XKR5: variants seen among roughly 807,000 people sequenced by gnomAD.
XKR5 encodes XK-related protein 5.
Under a neutral mutation model 40.8 loss-of-function variants are expected in XKR5, and 46 were observed. The observed-to-expected ratio is 1.13, with a 90% CI of 0.89 to 1.44. The LOEUF is 1.44. XKR5 is among the 40% of genes most tolerant of loss of function. The pLI is 0.00. For synonymous variants in XKR5, 466 were observed against 356.1 expected, an observed-to-expected ratio of 1.31 and a Z score of -3.48; for missense variants, 1,169 against 844.7, an observed-to-expected ratio of 1.38 and a Z score of -4.76.
At position 6,819,667 on chromosome 8, in the gene XKR5, T is replaced by G. The variant is rs144455997; in HGVS notation, c.807+2202A>C. Among the ~76,000 whole-genome samples, 937 of 152,306 alleles carry G rather than the reference T, an allele frequency of 6.2e-3. 5 individuals are homozygous for G. Among genetic ancestry groups the G allele is most frequent in the African/African-American group, 0.022 (904 of 41,558 alleles). ...AGCATGTCCACCTGTCATCTCCGCC[T>G]TTTCTTCAGTTTCATGGTTGCAGCC... On this transcript the variant is annotated intron_variant, in intron 5 of 6. Coordinates refer to ENST00000618742, the MANE Select transcript of XKR5 (RefSeq NM_207411.5).
In XKR5 at chr8:6,831,476, G is replaced by A. The variant is rs1804760249; in HGVS notation, c.242+1241C>T. Among the ~76,000 whole-genome samples, 3 of 152,194 alleles carry A rather than the reference G, an allele frequency of 2.0e-5. No homozygotes were observed. The South Asian group carries it at 6.2e-4, about 32-fold the overall frequency. On this transcript the variant is annotated intron_variant, in intron 2 of 6. Coordinates refer to ENST00000618742, the MANE Select transcript of XKR5 (RefSeq NM_207411.5). Reference sequence around the variant, plus strand: ...CAGAAGCACCCTCTACCTCCTAGCTGAGATTCTACTCTGGGCGGGACGGCA... The same window carrying A: ...CAGAAGCACCCTCTACCTCCTAGCTAAGATTCTACTCTGGGCGGGACGGCA...
intron 3 of XKR5, among the ~76,000 whole-genome samples, chr8:6,824,021 G>A (rs539047495): frequency 1.2e-3 from 183 of 152,172 alleles, no homozygotes; most frequent in African/African-American, 3.8e-3. Flanking sequence ...TCCTTTCTAC[G>A]CCCTTTAAGA....
intron 5 of XKR5, among the ~76,000 whole-genome samples, chr8:6,816,425 G>A (rs929633254): frequency 1.3e-5 from 2 of 152,000 alleles, no homozygotes; most frequent in African/African-American, 2.4e-5. Flanking sequence ...AGCCGGAGAC[G>A]GGAGCTCGCA....
rs550151198 is a variant in XKR5, at chr8:6,825,644, A to G, written c.243-295T>C. Among the ~76,000 whole-genome samples, 9 of 152,132 alleles carry G rather than the reference A, an allele frequency of 5.9e-5. No homozygotes were observed. The South Asian group carries it at 1.9e-3, about 32-fold the overall frequency. On this transcript the variant is annotated intron_variant, in intron 2 of 6. Transcript: ENST00000618742. ...GAGCGGCTGCATGGCAAGGGAACCC[A>G]GACTGCCAGCTCTGTGAAGCTCGGC...
intron 2 of XKR5, among the ~76,000 whole-genome samples, chr8:6,827,214 C>G (rs1204445177): frequency 3.9e-5 from 6 of 152,150 alleles, no homozygotes; most frequent in African/African-American, 1.4e-4. Flanking sequence ...CTAGCAGCAG[C>G]AATAAGGAGA....
chr8:6,813,035 G>A (rs1803809724), intron 6 of XKR5, among the ~76,000 whole-genome samples: 1 of 152,214 alleles, frequency 6.6e-6, no homozygotes. Context: ...ACTGGATAAA[G>A]TGCCTGGTTT....
At chr8:6,818,399 G>C (rs1804064813) in intron 5 of XKR5, among the ~76,000 whole-genome samples, 1 of 152,220 alleles carries the variant, frequency 6.6e-6, no homozygotes, top group African/African-American at 2.4e-5. Context: ...CACAGTGGCT[G>C]CATGGATTTG....
intron 2 of XKR5, 127 bp downstream of exon 2, chr8:6,832,590 C>T (rs2117122932): frequency 8.1e-7 from 1 of 1,234,660 alleles, no homozygotes; most frequent in Admixed American, 2.5e-5. Context: ...TTTGCTGTGG[C>T]CGCTTTGAAC....
chr8:6,835,108 G>A (rs1352895480), intron 1 of XKR5, among the ~76,000 whole-genome samples: 1 of 152,024 alleles, frequency 6.6e-6, no homozygotes, highest in African/African-American at 2.4e-5. Context: ...CATCTCCCCT[G>A]CTTCTGCGAG....
In XKR5 at chr8:6,810,929, G is replaced by A. The variant is rs2117072153; in HGVS notation, c.*269C>T. 1 of 317,922 alleles carries A rather than the reference G, an allele frequency of 3.1e-6. No individual in the cohort carries two copies. The allele number at this position is 317,922 out of a possible 1,614,324, so 19.7% of individuals were successfully genotyped here. A position where few individuals can be genotyped will look rare whatever the true frequency, so the allele number is the denominator to read the frequency against. ...TAAGGGAACCTACAGCTCATAAAAG[G>A]TAGCAGACAATTTTGACTGGAATCT... On this transcript the variant is annotated 3_prime_UTR_variant, in exon 7 of 7. Coordinates refer to ENST00000618742, the MANE Select transcript of XKR5 (RefSeq NM_207411.5).
At chr8:6,826,090 G>C (rs577985092) in intron 2 of XKR5, among the ~76,000 whole-genome samples, 56 of 152,300 alleles carry the variant, frequency 3.7e-4, no homozygotes, top group African/African-American at 1.3e-3. Flanking sequence ...ATGTGTATGT[G>C]CATGTGCGTG....
chr8:6,832,421 C>T (rs1392555889), intron 2 of XKR5, among the ~76,000 whole-genome samples: 3 of 152,174 alleles, frequency 2.0e-5, no homozygotes, highest in Non-Finnish European at 2.9e-5. Flanking sequence ...ATGGAACTAA[C>T]GGCTCAACCA....
In XKR5 at chr8:6,823,705, G is replaced by C. The variant is rs1587182273; in HGVS notation, c.453C>G (p.Ser151=). ...AGGACACCAGTGCCCAGGAGAGTGA[G>C]GACCAGGAAAACAGGGTGCTCACCC... ...VPGVSTLFSW[S]SLSWALVSYT... The change falls in exon 4 of 7, where the codon TCC becomes TCG. Residue 151 remains serine, a synonymous_variant. Coordinates refer to ENST00000618742, the MANE Select transcript of XKR5 (RefSeq NM_207411.5). 1.3e-6 allele frequency: 2 copies of C among 1,585,334 alleles called. No individual in the cohort carries two copies. Among genetic ancestry groups the C allele is most frequent in the African/African-American group, 1.3e-5 (1 of 74,432 alleles).
At chr8:6,823,403 G>C (rs992452997) in intron 4 of XKR5, 118 bp downstream of exon 4, 53 of 1,055,750 alleles carry the variant, frequency 5.0e-5, no homozygotes, top group Non-Finnish European at 9.9e-6. Flanking sequence ...ATTCAGCAGA[G>C]AGCCCAGTCA....
intron 2 of XKR5, among the ~76,000 whole-genome samples, chr8:6,826,618 G>C (rs141727625): frequency 2.6e-5 from 4 of 152,150 alleles, no homozygotes; most frequent in Admixed American, 2.6e-4. Context: ...GATTGGCCAC[G>C]ATATGAATTT....
rs187373799 is a variant in XKR5, at chr8:6,811,643, C to A, written c.1616G>T (p.Ser539Ile). 8.3e-5 allele frequency: 128 copies of A among 1,537,568 alleles called. No homozygotes were observed. In the Admixed American group the frequency reaches 2.5e-3, roughly 30 times the overall value. ...GQQRGGEGQQ[S>I]STLYFSATAE... Reference sequence around the variant, plus strand: ...AGTGGCGCTGAAGTACAACGTGGAACTCTGCTGTCCTTCCCCTCCTCTCTG... The same window carrying A: ...AGTGGCGCTGAAGTACAACGTGGAAATCTGCTGTCCTTCCCCTCCTCTCTG... The change falls in exon 7 of 7, where the codon AGT (serine) becomes ATT (isoleucine). Residue 539 changes from serine (S) to isoleucine (I), a missense_variant. Transcript: ENST00000618742.
intron 3 of XKR5, among the ~76,000 whole-genome samples, 168 bp from the exon 4 acceptor site, chr8:6,823,898 C>A (rs1208049333): frequency 6.6e-6 from 1 of 152,210 alleles, no homozygotes; most frequent in African/African-American, 2.4e-5. Context: ...GGTAACATAA[C>A]AACTCTATGT....
rs543922720 is a variant in XKR5, at chr8:6,814,442, G to A, written c.919+1365C>T. On this transcript the variant is annotated intron_variant, in intron 6 of 6. Coordinates refer to ENST00000618742, the MANE Select transcript of XKR5 (RefSeq NM_207411.5). Reference sequence around the variant, plus strand: ...CAAGTGATAGAATAATAGAAACAGAGAACAGAATAATGGTTGCCAGGAGGG... The same window carrying A: ...CAAGTGATAGAATAATAGAAACAGAAAACAGAATAATGGTTGCCAGGAGGG... Among the ~76,000 whole-genome samples the A allele has an allele frequency of 2.6e-5, 4 of 152,224 alleles. No individual in the cohort carries two copies. The South Asian group carries it at 6.2e-4, about 24-fold the overall frequency.
intron 1 of XKR5, among the ~76,000 whole-genome samples, chr8:6,833,734 T>C (rs573872715): frequency 6.7e-6 from 1 of 149,704 alleles, no homozygotes; most frequent in African/African-American, 2.5e-5. Flanking sequence ...AACAAAACAG[T>C]AACCAACCAA....
Sources: allele counts gnomAD v4.1 joint callset (sites outside exome capture counted in the v4.1 genomes callset), GRCh38; gene constraint gnomAD v4.1.1; transcripts MANE v1.5; gene names NCBI Gene and HGNC (gene_info 2026-07-23, HGNC 2026-07-21).